Variants in RNFT1 observed in about 807,000 individuals in gnomAD.
RNFT1 encodes the protein E3 ubiquitin-protein ligase RNFT1.
Under a neutral mutation model 53.2 loss-of-function variants are expected in RNFT1, and 35 were observed. That is an observed-to-expected ratio of 0.66 (90% CI 0.50 to 0.87). RNFT1 has a LOEUF of 0.87. Among genes scored for constraint, RNFT1 ranks in the 40% least tolerant of loss-of-function variants. RNFT1 has a pLI of 0.00. For missense variants in RNFT1, 421 were observed against 515.0 expected (o/e 0.82, Z 1.77); for synonymous variants, 141 against 172.8 (o/e 0.82, Z 1.44).
intron 3 of RNFT1, among the ~76,000 whole-genome samples, chr17:59,961,840 G>A (rs1319853074): frequency 6.7e-6 from 1 of 148,718 alleles, no homozygotes; most frequent in Non-Finnish European, 1.5e-5. Context: ...GCCTCCCAGA[G>A]TGTTGGGATG....
intron 4 of RNFT1, chr17:59,959,309 T>C (rs1330918788): frequency 6.6e-6 from 1 of 152,272 alleles, no homozygotes; most frequent in Non-Finnish European, 1.5e-5. Flanking sequence ...CCAGTCCATC[T>C]GAGGGATACT....
rs762067640 is a variant in RNFT1 at position 59,962,547 on chromosome 17, A to G, written c.584T>C (p.Phe195Ser). The change falls in exon 3 of 9, where the codon TTT (phenylalanine) becomes TCT (serine). Residue 195 changes from phenylalanine to serine, a missense_variant. Physicochemically the swap from Phe to Ser is radical, Grantham distance 155. Coordinates refer to ENST00000305783, the MANE Select transcript of RNFT1 (RefSeq NM_016125.4). ...YANKSIVNQV[F>S]LRERSSKIQC... ...GTTGCTTGTTATACTTACTCTTAGA[A>G]AAACCTGATTTACAATGCTTTTGTT... is the stretch of plus-strand genomic sequence containing the variant. 6.2e-7 allele frequency: 1 copy of G among 1,603,308 alleles called. No homozygotes were observed. The highest frequency in any genetic ancestry group is 8.5e-7 in the Non-Finnish European group (1 of 1,174,768).
Position 59,953,018 on chromosome 17 carries a change from A to G in RNFT1, c.1267T>C (p.Trp423Arg). 2 of 1,613,606 alleles carry G rather than the reference A, an allele frequency of 1.2e-6. No homozygotes were observed. Among genetic ancestry groups the G allele is most frequent in the East Asian group, 2.2e-5 (1 of 44,832 alleles). ...TGTGATGAAGTGGCTCCATCCTTCC[A>G]TTTGTTTATATGGTCTGAAATCACA... ...RTVISDHINKWKDGATSSHLQ... is the reference protein window; with the variant it reads ...RTVISDHINKRKDGATSSHLQ... Residue 423 changes from tryptophan to arginine, a missense_variant, in exon 9 of 9, where the codon TGG becomes CGG. Coordinates refer to ENST00000305783, the MANE Select transcript of RNFT1 (RefSeq NM_016125.4).
rs1434727329 is a variant in RNFT1, at chr17:59,953,075, T to A, written c.1210A>T (p.Asn404Tyr). The change falls in exon 9 of 9, where the codon AAC becomes TAC. Residue 404 changes from asparagine (N) to tyrosine (Y), a missense_variant. Physicochemically the swap from Asn to Tyr is moderately radical, Grantham distance 143. Transcript: ENST00000305783. ...FCEECMTLWF[N>Y]REKTCPLCRT... is the part of the protein sequence containing the mutation. ...CAGAGTGGACATGTTTTCTCTCTGTTAAACCATAAGGTCATGCACTCTTCA... is the reference window on the plus strand; with the variant it reads ...CAGAGTGGACATGTTTTCTCTCTGTAAAACCATAAGGTCATGCACTCTTCA... 1 of 1,611,476 alleles carries A rather than the reference T, an allele frequency of 6.2e-7. No homozygotes were observed. Among genetic ancestry groups the A allele is most frequent in the Non-Finnish European group, 8.5e-7 (1 of 1,177,686 alleles).
At position 59,964,680 on chromosome 17, in the gene RNFT1, T is replaced by C. The variant is rs1490212291; in HGVS notation, c.-17A>G. ...CAGCGGCATACACCGCCTCCAGCCC[T>C]TCAGTCGGGGCCATCAACCGCAAAC... On this transcript the variant is annotated 5_prime_UTR_variant, in exon 1 of 9. Transcript: ENST00000305783. The C allele has an allele frequency of 6.3e-7, 1 of 1,597,338 alleles. No individual in the cohort carries two copies. The highest frequency in any genetic ancestry group is 8.5e-7 in the Non-Finnish European group (1 of 1,172,072).
intron 6 of RNFT1, 62 bp from the exon 7 acceptor site, chr17:59,956,615 A>T: frequency 1.6e-6 from 2 of 1,237,058 alleles, no homozygotes; most frequent in Middle Eastern, 1.9e-4. Flanking sequence ...AAACCCAAAA[A>T]CCAAAGCTGA....
At chr17:59,958,842 A>T in intron 4 of RNFT1, 4 of 303,848 alleles carry the variant, frequency 1.3e-5, no homozygotes, top group Non-Finnish European at 1.9e-5. Flanking sequence ...TTTCAAGGTC[A>T]CTCTCTTTTT....
In RNFT1 at chr17:59,964,679, C is replaced by T. The variant is rs749640882; in HGVS notation, c.-16G>A. ...ACAGCGGCATACACCGCCTCCAGCC[C>T]TTCAGTCGGGGCCATCAACCGCAAA... On this transcript the variant is annotated 5_prime_UTR_variant, in exon 1 of 9. Transcript: ENST00000305783. The T allele has an allele frequency of 6.9e-6, 11 of 1,598,568 alleles. No homozygotes were observed. Among genetic ancestry groups the T allele is most frequent in the African/African-American group, 1.3e-5 (1 of 74,418 alleles).
At chr17:59,962,071 G>GAGAC (rs1373092607) in intron 3 of RNFT1, among the ~76,000 whole-genome samples, 1 of 151,870 alleles carries the variant, frequency 6.6e-6, no homozygotes, top group Non-Finnish European at 1.5e-5. Flanking sequence ...ATTTTTAGTA[G>GAGAC]AGACAGGGTT....
rs564524814 is a variant in RNFT1 at position 59,963,965 on chromosome 17, G to GT, written c.56+642dup. Reference sequence around the variant, plus strand: ...TGGAGAGTCACCACGTAATTGCTAGGTAACTCTTTAGTCTGAATAAGCAGT... The same window carrying GT: ...TGGAGAGTCACCACGTAATTGCTAGGTTAACTCTTTAGTCTGAATAAGCAGT... On this transcript the variant is annotated intron_variant, in intron 1 of 8. Coordinates refer to ENST00000305783, the MANE Select transcript of RNFT1 (RefSeq NM_016125.4). Among the ~76,000 whole-genome samples the GT allele has an allele frequency of 1.8e-3, 267 of 152,254 alleles. 2 individuals carry two copies. The highest frequency in any genetic ancestry group is 6.2e-3 in the African/African-American group (256 of 41,538).
chr17:59,958,335 G>A lies in RNFT1; in HGVS notation c.802C>T (p.Leu268Phe). The change falls in exon 5 of 9, where the codon CTT becomes TTT. Residue 268 changes from leucine (L) to phenylalanine (F), a missense_variant. Leu to Phe is a conservative substitution (Grantham distance 22, BLOSUM62 0). Coordinates refer to ENST00000305783, the MANE Select transcript of RNFT1 (RefSeq NM_016125.4). Reference protein sequence around the residue: ...LKFFFMGLKCLILLVPSFIMP... With the variant: ...LKFFFMGLKCFILLVPSFIMP... Reference sequence around the variant, plus strand: ...ATGAAAGAAGGCACCAATAAAATAAGGCATTTTAAGCCCATGAAAAAGAAT... The same window carrying A: ...ATGAAAGAAGGCACCAATAAAATAAAGCATTTTAAGCCCATGAAAAAGAAT... 3.1e-6 allele frequency: 5 copies of A among 1,599,990 alleles called. 1 individual carries two copies. Among genetic ancestry groups the A allele is most frequent in the Middle Eastern group, 3.4e-4 (2 of 5,844 alleles).
chr17:59,962,406 C>A, intron 3 of RNFT1, 134 bp downstream of exon 3: 1 of 568,362 alleles, frequency 1.8e-6, no homozygotes, highest in Non-Finnish European at 3.1e-6. Flanking sequence ...ACAAATTTAA[C>A]ATAACGTGGA....
rs1330919406 is a variant in RNFT1 at position 59,958,306 on chromosome 17, CATG to C, written c.828_830del (p.Ile276del). ...AGTTTCTTACCTTAGATTTAAAAGGCATGATGAAAGAAGGCACCAATAAAATAA... is the reference window on the plus strand; with the variant it reads ...AGTTTCTTACCTTAGATTTAAAAGGCATGAAAGAAGGCACCAATAAAATAA... On this transcript the variant is annotated inframe_deletion, in exon 5 of 9. Coordinates refer to ENST00000305783, the MANE Select transcript of RNFT1 (RefSeq NM_016125.4). 1.1e-5 allele frequency: 17 copies of C among 1,592,122 alleles called. No individual in the cohort carries two copies. In the East Asian group the frequency reaches 3.8e-4, roughly 36 times the overall value.
In RNFT1 at chr17:59,958,454, G is replaced by T; in HGVS notation, c.693-10C>A. On this transcript the variant is annotated splice_polypyrimidine_tract_variant and intron_variant, in intron 4 of 8. Coordinates refer to ENST00000305783, the MANE Select transcript of RNFT1 (RefSeq NM_016125.4). ...ATTTAAAAAAATTAAGCTACCAAAA[G>T]AAAAACATCAAAATTTATCAGAGCA... 6.5e-7 allele frequency: 1 copy of T among 1,548,704 alleles called. No homozygotes were observed. The highest frequency in any genetic ancestry group is 8.7e-7 in the Non-Finnish European group (1 of 1,152,260).
intron 7 of RNFT1, 55 bp downstream of exon 7, chr17:59,956,433 T>A (rs2045254604): frequency 6.5e-6 from 8 of 1,232,470 alleles, no homozygotes; most frequent in South Asian, 1.3e-5. Context: ...ACTAAAAAAA[T>A]TTTTGCAGTG....
Position 59,954,100 on chromosome 17 carries a change from T to C in RNFT1, c.1118A>G (p.Asp373Gly). 1.9e-6 allele frequency: 3 copies of C among 1,603,980 alleles called. No homozygotes were observed. The highest frequency in any genetic ancestry group is 2.2e-5 in the South Asian group (2 of 89,312). The change falls in exon 8 of 9, where the codon GAT (aspartate) becomes GGT (glycine). Residue 373 changes from aspartate to glycine, a missense_variant. Coordinates refer to ENST00000305783, the MANE Select transcript of RNFT1 (RefSeq NM_016125.4). ...ASKRQCSDVD[D>G]ICSICQAEFQ... is the part of the protein sequence containing the mutation. ...TTCAGCTTGACATATTGAACAAATA[T>C]CATCCACATCTGAACACTGTCTCTT...
Position 59,961,519 on chromosome 17 carries a change from A to G in RNFT1, c.591+1021T>C, listed in dbSNP as rs775632598. 5.3e-5 allele frequency among the ~76,000 whole-genome samples: 8 copies of G among 152,038 alleles called. No individual in the cohort carries two copies. In the East Asian group the frequency reaches 9.6e-4, roughly 18 times the overall value. On this transcript the variant is annotated intron_variant, in intron 3 of 8. Transcript: ENST00000305783. Reference sequence around the variant, plus strand: ...TTAGAAACTCATCCTCTTTTTCCCAATGATTTATATGACGGGCTCGTGTAA... The same window carrying G: ...TTAGAAACTCATCCTCTTTTTCCCAGTGATTTATATGACGGGCTCGTGTAA...
chr17:59,957,424 T>A lies in RNFT1; in HGVS notation c.847-42A>T, dbSNP rs1033362519. The A allele has an allele frequency of 2.0e-6, 3 of 1,490,178 alleles. No homozygotes were observed. The African/African-American group carries it at 4.2e-5, about 21-fold the overall frequency. 92.3% of individuals were successfully genotyped at this position (1,490,178 alleles called of 1,614,324 possible). A position where few individuals can be genotyped will look rare whatever the true frequency, so the allele number is the denominator to read the frequency against. The stretch of plus-strand genomic sequence containing the variant: ...AAACAAATAGAGCTACCCAAACTAC[T>A]TAACTACATAGCACAAACAATATTA... On this transcript the variant is annotated intron_variant, in intron 5 of 8. Coordinates refer to ENST00000305783, the MANE Select transcript of RNFT1 (RefSeq NM_016125.4).
In RNFT1 at chr17:59,964,642, G is replaced by T; in HGVS notation, c.22C>A (p.Leu8Ile). The stretch of plus-strand genomic sequence containing the variant: ...CCAGAAGCGGACGGAGGTGTCGGGA[G>T]CGACAGCAAGAACAGCGGCATACAC... MPLFLLSLPTPPSASGHE... is the reference protein window; with the variant it reads MPLFLLSIPTPPSASGHE... The change falls in exon 1 of 9, where the codon CTC (leucine) becomes ATC (isoleucine). Residue 8 changes from leucine to isoleucine, a missense_variant. Transcript: ENST00000305783. 6.2e-7 allele frequency: 1 copy of T among 1,608,578 alleles called. No homozygotes were observed. The highest frequency in any genetic ancestry group is 2.2e-5 in the East Asian group (1 of 44,636).
Sources: allele counts gnomAD v4.1 joint callset (sites outside exome capture counted in the v4.1 genomes callset), GRCh38; gene constraint gnomAD v4.1.1; transcripts MANE v1.5; gene names NCBI Gene and HGNC (gene_info 2026-07-23, HGNC 2026-07-21).